SNX14: variants seen among roughly 807,000 people sequenced by gnomAD.
SNX14 encodes sorting nexin 14.
In SNX14, 93 loss-of-function variants were observed where a neutral mutation model predicts 133.8. That is an observed-to-expected ratio of 0.70 (90% CI 0.59 to 0.83). The LOEUF (loss-of-function observed/expected upper bound fraction) is 0.83, where lower values mean the gene tolerates loss of function less well. Among genes scored for constraint, SNX14 ranks in the 40% least tolerant of loss-of-function variants. SNX14 has a pLI of 0.00. For missense variants in SNX14, 945 were observed against 1,094.9 expected, an observed-to-expected ratio of 0.86 and a Z score of 1.93; for synonymous variants, 368 against 365.6, an observed-to-expected ratio of 1.01 and a Z score of -0.07.
At chr6:85,553,448 T>A (rs1788511514) in intron 7 of SNX14, among the ~76,000 whole-genome samples, 1 of 152,146 alleles carries the variant, frequency 6.6e-6, no homozygotes, top group South Asian at 2.1e-4. Flanking sequence ...GCTTCTTTAT[T>A]GATAAGATTT....
chr6:85,548,223 T>A, intron 9 of SNX14, 78 bp downstream of exon 9: 1 of 1,014,738 alleles, frequency 9.9e-7, no homozygotes, highest in Non-Finnish European at 1.5e-6. Context: ...ACTGACTATA[T>A]ACATAAAAAT....
intron 1 of SNX14, among the ~76,000 whole-genome samples, chr6:85,578,853 T>A (rs1353213766): frequency 6.6e-6 from 1 of 152,028 alleles, no homozygotes; most frequent in Non-Finnish European, 1.5e-5. Context: ...ATTTCAGAGG[T>A]AGCCGGGCGC....
chr6:85,543,358 A>G, intron 13 of SNX14, 52 bp from the exon 14 acceptor site: 1 of 1,451,750 alleles, frequency 6.9e-7, no homozygotes, highest in Non-Finnish European at 9.2e-7. Flanking sequence ...ATAAATATAT[A>G]CAGTTCTAAA....
At chr6:85,577,663 A>C (rs1430945841) in intron 1 of SNX14, among the ~76,000 whole-genome samples, 1 of 152,182 alleles carries the variant, frequency 6.6e-6, no homozygotes, top group Non-Finnish European at 1.5e-5. Context: ...AGAGTTAAAA[A>C]AGAAATGAGC....
At chr6:85,551,712 G>T (rs1172351172) in intron 7 of SNX14, among the ~76,000 whole-genome samples, 1 of 152,178 alleles carries the variant, frequency 6.6e-6, no homozygotes, top group Non-Finnish European at 1.5e-5. Flanking sequence ...TTCCTTTTCA[G>T]AGAACTTGTG....
In SNX14 at chr6:85,513,927, A is replaced by T. The variant is rs760293059; in HGVS notation, c.2558-32T>A. Reference sequence around the variant, plus strand: ...AAGAGTAAAAAGAAATATTTCTGGAATTTTCATCTATTTATACACAAAGGA... The same window carrying T: ...AAGAGTAAAAAGAAATATTTCTGGATTTTTCATCTATTTATACACAAAGGA... On this transcript the variant is annotated intron_variant, in intron 25 of 28. Transcript: ENST00000314673. 3.8e-6 allele frequency: 6 copies of T among 1,580,152 alleles called. No individual in the cohort carries two copies. In the East Asian group the frequency reaches 1.3e-4, roughly 35 times the overall value.
intron 1 of SNX14, among the ~76,000 whole-genome samples, chr6:85,574,631 A>C (rs1796743195): frequency 6.6e-6 from 1 of 152,242 alleles, no homozygotes; most frequent in African/African-American, 2.4e-5. Flanking sequence ...ATGTTTAACT[A>C]GTCTATACTA....
rs746329769 is a variant in SNX14 at position 85,547,101 on chromosome 6, G to T, written c.1108+11C>A. ...AAAATTACTTTCGTAAAATACACAG[G>T]TAAGCCTCACCCACAGTCAAACAAA... is the stretch of plus-strand genomic sequence containing the variant. On this transcript the variant is annotated intron_variant, in intron 12 of 28. Coordinates refer to ENST00000314673, the MANE Select transcript of SNX14 (RefSeq NM_153816.6). The T allele has an allele frequency of 4.4e-6, 7 of 1,602,598 alleles. No homozygotes were observed. Among genetic ancestry groups the T allele is most frequent in the Non-Finnish European group, 6.0e-6 (7 of 1,172,126 alleles).
rs1779747219 is a variant in SNX14 at position 85,530,099 on chromosome 6, C to T, written c.1894+93G>A. On this transcript the variant is annotated intron_variant, in intron 19 of 28. Transcript: ENST00000314673. Reference sequence around the variant, plus strand: ...CATCAATGTTGTATTTCTTGTATTTCAATTACTTAAAATAAAAAAATTAAT... The same window carrying T: ...CATCAATGTTGTATTTCTTGTATTTTAATTACTTAAAATAAAAAAATTAAT... The T allele has an allele frequency of 4.3e-6, 3 of 691,364 alleles. No homozygotes were observed. In the Admixed American group the frequency reaches 9.6e-5, roughly 22 times the overall value. The allele number at this position is 691,364 out of a possible 1,614,324, so 42.8% of individuals were successfully genotyped here. A position where few individuals can be genotyped will look rare whatever the true frequency, so the allele number is the denominator to read the frequency against.
chr6:85,564,011 A>C (rs1792842482), intron 6 of SNX14, among the ~76,000 whole-genome samples: 1 of 152,152 alleles, frequency 6.6e-6, no homozygotes, highest in Non-Finnish European at 1.5e-5. Context: ...TATGAGTAAG[A>C]ACATGCGGTG....
At position 85,513,795 on chromosome 6, in the gene SNX14, T is replaced by C. The variant is rs767054011; in HGVS notation, c.2653+5A>G. The C allele has an allele frequency of 6.3e-7, 1 of 1,596,838 alleles. No individual in the cohort carries two copies. Among genetic ancestry groups the C allele is most frequent in the East Asian group, 2.2e-5 (1 of 44,690 alleles). The stretch of plus-strand genomic sequence containing the variant: ...TGAAATTAAGTTACTTCTTAAATAT[T>C]ACACCTGGAATGTAATTCATCATTT... On this transcript the variant is annotated splice_donor_5th_base_variant and intron_variant, in intron 26 of 28. Coordinates refer to ENST00000314673, the MANE Select transcript of SNX14 (RefSeq NM_153816.6).
chr6:85,543,900 T>C (rs1446787237), intron 12 of SNX14, 140 bp from the exon 13 acceptor site: 1 of 393,490 alleles, frequency 2.5e-6, no homozygotes, highest in East Asian at 4.7e-5. Flanking sequence ...TTAAAAAATA[T>C]TTGAGAATAA....
chr6:85,591,115 C>A (rs749056151), intron 1 of SNX14, among the ~76,000 whole-genome samples: 1 of 152,182 alleles, frequency 6.6e-6, no homozygotes, highest in African/African-American at 2.4e-5. Context: ...GGATCAACTT[C>A]ATATAAAATT....
In SNX14 at chr6:85,533,801, C is replaced by A; in HGVS notation, c.1609-1G>T. 2.5e-6 allele frequency: 4 copies of A among 1,608,934 alleles called. No individual in the cohort carries two copies. The highest frequency in any genetic ancestry group is 3.4e-6 in the Non-Finnish European group (4 of 1,178,836). ...CCATTACAACAATACCTTCTTCAAT[C>A]TGGAAAAAAATTACCAGGATGAATT... On this transcript the variant is annotated splice_acceptor_variant, in intron 17 of 28. Coordinates refer to ENST00000314673, the MANE Select transcript of SNX14 (RefSeq NM_153816.6). LOFTEE classifies it high-confidence loss of function.
Position 85,505,894 on chromosome 6 carries a change from C to A in SNX14, c.*73G>T. 1 of 1,011,708 alleles carries A rather than the reference C, an allele frequency of 9.9e-7. No homozygotes were observed. Among genetic ancestry groups the A allele is most frequent in the Non-Finnish European group, 1.6e-6 (1 of 641,790 alleles). 62.7% of individuals were successfully genotyped at this position (1,011,708 alleles called of 1,614,324 possible). A position where few individuals can be genotyped will look rare whatever the true frequency, so the allele number is the denominator to read the frequency against. On this transcript the variant is annotated 3_prime_UTR_variant, in exon 29 of 29. Coordinates refer to ENST00000314673, the MANE Select transcript of SNX14 (RefSeq NM_153816.6). ...GTACATAATATATATAAGAATATACCCAAAAAAGTAAATTTCTACCACCCT... is the reference window on the plus strand; with the variant it reads ...GTACATAATATATATAAGAATATACACAAAAAAGTAAATTTCTACCACCCT...
intron 1 of SNX14, chr6:85,581,754 TAGAA>T (rs1323258883): frequency 2.0e-5 from 3 of 152,020 alleles, no homozygotes; most frequent in African/African-American, 4.8e-5. Context: ...GATCAAGTAA[TAGAA>T]AGAATTACTA....
At chr6:85,519,889 CA>C (rs200788112) in intron 21 of SNX14, among the ~76,000 whole-genome samples, 5 of 150,416 alleles carry the variant, frequency 3.3e-5, no homozygotes, top group South Asian at 4.2e-4. Flanking sequence ...CAAAACAAAA[CA>C]AAAAAAAACT....
chr6:85,535,604 CAAAA>C (rs10707377), intron 17 of SNX14, among the ~76,000 whole-genome samples: 24 of 84,320 alleles, frequency 2.8e-4, no homozygotes, highest in African/African-American at 1.0e-3. Context: ...GACTCCGTCT[CAAAA>C]AAAAAAAAAA....
At chr6:85,568,197 T>A (rs1313203111) in intron 4 of SNX14, 1 of 152,324 alleles carries the variant, frequency 6.6e-6, no homozygotes, top group East Asian at 1.9e-4. Flanking sequence ...AAATTGTTCC[T>A]GACTCTGAAG....
Sources: allele counts gnomAD v4.1 joint callset (sites outside exome capture counted in the v4.1 genomes callset), GRCh38; gene constraint gnomAD v4.1.1; transcripts MANE v1.5; gene names NCBI Gene and HGNC (gene_info 2026-07-23, HGNC 2026-07-21).